TMEM131: variants seen among roughly 807,000 people sequenced by gnomAD.
The protein encoded by TMEM131 is 2610524E03Rik.
A neutral mutation model predicts 211.6 loss-of-function variants in TMEM131; 66 were observed. The ratio of observed to expected loss-of-function variants is 0.31; its 90% CI spans 0.26 to 0.38. The LOEUF is 0.38. TMEM131 is among the 10% of genes least tolerant of loss of function. The pLI, the probability that TMEM131 is intolerant of heterozygous loss-of-function variation, is 1.00. For synonymous variants in TMEM131, 844 were observed against 841.3 expected, an observed-to-expected ratio of 1.00 and a Z score of -0.06; for missense variants, 2,036 against 2,299.3, an observed-to-expected ratio of 0.89 and a Z score of 2.34.
chr2:97,911,214 A>T (rs1202457441), intron 2 of TMEM131, among the ~76,000 whole-genome samples: 6 of 152,114 alleles, frequency 3.9e-5, no homozygotes, highest in African/African-American at 1.2e-4. Context: ...ATTCTGTATG[A>T]CTCCATTTAT....
intron 12 of TMEM131, 50 bp from the exon 13 acceptor site, chr2:97,815,357 G>A: frequency 1.8e-6 from 2 of 1,129,704 alleles, no homozygotes; most frequent in Non-Finnish European, 2.5e-6. Context: ...CTACCAAAGA[G>A]AATTAGTGAA....
chr2:97,908,213 G>A (rs1003054100), intron 3 of TMEM131, among the ~76,000 whole-genome samples: 1 of 152,100 alleles, frequency 6.6e-6, no homozygotes, highest in African/African-American at 2.4e-5. Flanking sequence ...CCATCCCCCT[G>A]TTATCACAGG....
In TMEM131 at chr2:97,812,456, C is replaced by T. The variant is rs1344041216; in HGVS notation, c.1828G>A (p.Glu610Lys). 2 of 1,611,432 alleles carry T rather than the reference C, an allele frequency of 1.2e-6. No homozygotes were observed. Among genetic ancestry groups the T allele is most frequent in the Non-Finnish European group, 1.7e-6 (2 of 1,179,228 alleles). The part of the protein sequence containing the change: ...NRTTIISSLP[E>K]FEKSSLSDQS... Reference sequence around the variant, plus strand: ...TCTGATAAAGAGGATTTTTCAAACTCTGGCAGGCTTGAAATTATTGTAGTT... The same window carrying T: ...TCTGATAAAGAGGATTTTTCAAACTTTGGCAGGCTTGAAATTATTGTAGTT... Residue 610 changes from glutamate (E) to lysine (K), a missense_variant, in exon 17 of 41, where the codon GAG (glutamate) becomes AAG (lysine). Around this residue, in one of 3 missense-constraint regions of TMEM131, gnomAD observed 1,623 missense variants for 1,805.9 expected, o/e 0.90. Coordinates refer to ENST00000186436, the MANE Select transcript of TMEM131 (RefSeq NM_015348.2).
Position 97,801,939 on chromosome 2 carries a change from T to C in TMEM131, c.2674A>G (p.Lys892Glu), listed in dbSNP as rs1381754405. 6.2e-7 allele frequency: 1 copy of C among 1,608,838 alleles called. No individual in the cohort carries two copies. ...VSRFNLSKVA[K>E]IDLRTLEFQV... ...AATTCTAGTGTTCTCAAATCTATCT[T>C]TGCCACCTTACTCAAGTTAAACCTA... Residue 892 changes from lysine (K) to glutamate (E), a missense_variant, in exon 25 of 41, where the codon AAG becomes GAG. Around this residue, in one of 3 missense-constraint regions of TMEM131, gnomAD observed 1,623 missense variants for 1,805.9 expected, o/e 0.90. Transcript: ENST00000186436.
chr2:97,978,264 T>C (rs777228542), intron 1 of TMEM131, among the ~76,000 whole-genome samples: 15 of 152,218 alleles, frequency 9.9e-5, no homozygotes, highest in Admixed American at 7.2e-4. Context: ...ATCGACTAAG[T>C]TGATAATACC....
intron 4 of TMEM131, among the ~76,000 whole-genome samples, chr2:97,869,697 GC>G (rs1377323768): frequency 6.6e-6 from 1 of 152,182 alleles, no homozygotes; most frequent in African/African-American, 2.4e-5. Flanking sequence ...TCTGTGAACA[GC>G]TTGCCTTCCT....
intron 1 of TMEM131, among the ~76,000 whole-genome samples, chr2:97,949,072 T>TAGATGAG: frequency 6.6e-6 from 1 of 152,166 alleles, no homozygotes; most frequent in African/African-American, 2.4e-5. Context: ...ACATGAATAT[T>TAGATGAG]TAGGGAAGCT....
intron 1 of TMEM131, among the ~76,000 whole-genome samples, chr2:97,985,048 T>A (rs765241132): frequency 1.3e-5 from 2 of 152,126 alleles, no homozygotes; most frequent in Non-Finnish European, 2.9e-5. Context: ...TAAAATGTAG[T>A]AGCTGTCCCT....
intron 1 of TMEM131, among the ~76,000 whole-genome samples, chr2:97,974,873 C>T (rs1183017682): frequency 2.6e-5 from 4 of 151,986 alleles, no homozygotes; most frequent in Non-Finnish European, 4.4e-5. Context: ...GAAATGATAC[C>T]AGGTGGAATA....
rs777685150 is a variant in TMEM131 at position 97,805,470 on chromosome 2, G to A, written c.2209-19C>T. 6.2e-7 allele frequency: 1 copy of A among 1,613,806 alleles called. No individual in the cohort carries two copies. The highest frequency in any genetic ancestry group is 1.1e-5 in the South Asian group (1 of 91,068). On this transcript the variant is annotated intron_variant, in intron 20 of 40. Transcript: ENST00000186436. ...TTGCAATCTATAAAGAGGCACAGGAGAACCATGAATCCCAAATCCACAGGA... is the reference window on the plus strand; with the variant it reads ...TTGCAATCTATAAAGAGGCACAGGAAAACCATGAATCCCAAATCCACAGGA...
intron 2 of TMEM131, among the ~76,000 whole-genome samples, chr2:97,924,912 C>T (rs760824883): frequency 1.3e-5 from 2 of 152,190 alleles, no homozygotes; most frequent in Non-Finnish European, 2.9e-5. Context: ...CAGGATCTCA[C>T]TCTGCTGCCC....
At chr2:97,956,019 T>A (rs1263995532) in intron 1 of TMEM131, among the ~76,000 whole-genome samples, 1 of 152,120 alleles carries the variant, frequency 6.6e-6, no homozygotes, top group Non-Finnish European at 1.5e-5. Flanking sequence ...CACCCTAAAA[T>A]AGTCAAAACA....
intron 1 of TMEM131, among the ~76,000 whole-genome samples, chr2:97,967,446 T>C (rs1679107641): frequency 6.6e-6 from 1 of 152,048 alleles, no homozygotes; most frequent in African/African-American, 2.4e-5. Context: ...TTTATTCATA[T>C]GTGACTACAA....
chr2:97,866,170 C>T (rs1335772009), intron 4 of TMEM131, among the ~76,000 whole-genome samples: 1 of 152,196 alleles, frequency 6.6e-6, no homozygotes, highest in Non-Finnish European at 1.5e-5. Context: ...CGTGAGCCGC[C>T]GTGCCCAGCC....
intron 12 of TMEM131, among the ~76,000 whole-genome samples, chr2:97,818,258 C>T (rs1681928689): frequency 6.6e-6 from 1 of 151,978 alleles, no homozygotes; most frequent in Non-Finnish European, 1.5e-5. Context: ...AAACATGTTT[C>T]AGAACTTCAA....
At chr2:97,847,440 AAC>A (rs1180125890) in intron 5 of TMEM131, among the ~76,000 whole-genome samples, 3 of 152,204 alleles carry the variant, frequency 2.0e-5, no homozygotes, top group Non-Finnish European at 2.9e-5. Flanking sequence ...TATTTAGGAT[AAC>A]ACACACACAA....
chr2:97,818,461 A>T (rs1559378927), intron 12 of TMEM131, among the ~76,000 whole-genome samples, 152 bp downstream of exon 12: 1 of 3,868 alleles, frequency 2.6e-4, no homozygotes, highest in African/African-American at 1.5e-3. Context: ...GATGGTTTAC[A>T]GCGGGGGGGG....
At chr2:97,931,856 C>T (rs1337267623) in intron 1 of TMEM131, among the ~76,000 whole-genome samples, 2 of 152,224 alleles carry the variant, frequency 1.3e-5, no homozygotes, top group African/African-American at 4.8e-5. Flanking sequence ...TCTTCTCCTC[C>T]TTCAAGTCTC....
intron 19 of TMEM131, 36 bp downstream of exon 19, chr2:97,809,652 C>T (rs886359220): frequency 9.9e-6 from 15 of 1,508,988 alleles, no homozygotes; most frequent in Admixed American, 5.4e-5. Flanking sequence ...AGGCAAAAAA[C>T]GAGCAATAGA....
Sources: gnomAD v4.1 joint callset for allele counts (sites outside exome capture counted in the v4.1 genomes callset) on GRCh38, gnomAD v4.1.1 for gene constraint, gnomAD v4.1.1 regional missense constraint, MANE v1.5 for transcripts, NCBI Gene and HGNC (gene_info 2026-07-23, HGNC 2026-07-21) for gene names.